Variants in VWC2 observed in about 807,000 individuals in gnomAD.
VWC2 encodes von Willebrand factor C domain containing 2, also known as brorin.
VWC2 carries 14 observed loss-of-function variants against 29.8 expected under a neutral mutation model. The ratio of observed to expected loss-of-function variants is 0.47; its 90% CI spans 0.31 to 0.74. The LOEUF (loss-of-function observed/expected upper bound fraction) is 0.74. Ranked by LOEUF, VWC2 falls within the 30% of genes least tolerant of loss-of-function variation. VWC2 has a pLI of 0.05. For synonymous variants in VWC2, 213 were observed against 199.0 expected, an observed-to-expected ratio of 1.07 and a Z score of -0.59; for missense variants, 457 against 459.8, an observed-to-expected ratio of 0.99 and a Z score of 0.05.
intron 3 of VWC2, among the ~76,000 whole-genome samples, chr7:49,815,948 T>A (rs1381172496): frequency 6.6e-6 from 1 of 152,122 alleles, no homozygotes; most frequent in Admixed American, 6.5e-5. Context: ...AAACAGGCAA[T>A]TTCCATTGAA....
At chr7:49,862,410 C>T (rs537503116) in intron 3 of VWC2, among the ~76,000 whole-genome samples, 4 of 152,202 alleles carry the variant, frequency 2.6e-5, no homozygotes, top group South Asian at 4.1e-4. Flanking sequence ...TCATACTAAC[C>T]GTGAATAGAG....
At chr7:49,801,507 G>A (rs1788736728) in intron 2 of VWC2, among the ~76,000 whole-genome samples, 1 of 152,224 alleles carries the variant, frequency 6.6e-6, no homozygotes, top group Non-Finnish European at 1.5e-5. Context: ...CTGTGTGAGT[G>A]ACCATGGAGG....
At chr7:49,790,143 C>G (rs901974709) in intron 2 of VWC2, among the ~76,000 whole-genome samples, 6 of 152,204 alleles carry the variant, frequency 3.9e-5, no homozygotes, top group African/African-American at 1.4e-4. Flanking sequence ...GTTTTTCCCC[C>G]GCATAATTGA....
chr7:49,872,915 CAAAA>C (rs61473396), intron 3 of VWC2, among the ~76,000 whole-genome samples: 6 of 33,960 alleles, frequency 1.8e-4, no homozygotes, highest in East Asian at 1.1e-3. Flanking sequence ...GACTTTGTCT[CAAAA>C]AAAAAAAAAA....
At chr7:49,893,254 C>A (rs533705396) in intron 3 of VWC2, among the ~76,000 whole-genome samples, 2 of 151,970 alleles carry the variant, frequency 1.3e-5, no homozygotes, top group African/African-American at 4.8e-5. Context: ...CTAGGTTCCA[C>A]GAATCTAGAA....
Position 49,799,047 on chromosome 7 carries a change from C to T in VWC2, c.697-3664C>T, listed in dbSNP as rs144469719. Among the ~76,000 whole-genome samples the T allele has an allele frequency of 4.9e-3, 745 of 152,208 alleles. 3 individuals carry two copies. Among genetic ancestry groups the T allele is most frequent in the African/African-American group, 0.017 (694 of 41,546 alleles). ...CTGCTTCACCAAACGAGGAGCATGG[C>T]GGAGTGGGCTCAGGGGGTTGGCATG... On this transcript the variant is annotated intron_variant, in intron 2 of 3. Transcript: ENST00000340652.
intron 2 of VWC2, among the ~76,000 whole-genome samples, chr7:49,799,875 G>A (rs2128705393): frequency 6.6e-6 from 1 of 152,266 alleles, no homozygotes. Context: ...GCACGTTACT[G>A]TCCTGAAAAC....
intron 2 of VWC2, among the ~76,000 whole-genome samples, chr7:49,779,263 T>A (rs1788123671): frequency 6.6e-6 from 1 of 152,212 alleles, no homozygotes; most frequent in African/African-American, 2.4e-5. Context: ...GTTTTCTGCA[T>A]ATTCTAAACT....
chr7:49,779,055 G>GAC (rs5884130), intron 2 of VWC2, among the ~76,000 whole-genome samples: 41,836 of 151,150 alleles, frequency 0.28, 6,083 homozygotes, highest in Middle Eastern at 0.39. Context: ...GAGAGAGAGA[G>GAC]AGAGACAGAG....
intron 3 of VWC2, among the ~76,000 whole-genome samples, chr7:49,824,354 T>G (rs1243973163): frequency 6.6e-6 from 1 of 152,214 alleles, no homozygotes; most frequent in Non-Finnish European, 1.5e-5. Context: ...TATTGAATTA[T>G]CTTGACTTCT....
At chr7:49,849,949 A>G (rs1357624976) in intron 3 of VWC2, among the ~76,000 whole-genome samples, 1 of 152,174 alleles carries the variant, frequency 6.6e-6, no homozygotes, top group East Asian at 1.9e-4. Flanking sequence ...AGCATGGTGC[A>G]CAGGAAGACT....
chr7:49,872,964 C>A (rs1345483382), intron 3 of VWC2, among the ~76,000 whole-genome samples: 1 of 139,548 alleles, frequency 7.2e-6, no homozygotes, highest in Non-Finnish European at 1.6e-5. Context: ...AATTTGGTAT[C>A]CAAATAAATA....
intron 3 of VWC2, among the ~76,000 whole-genome samples, chr7:49,882,739 G>A (rs2128727652): frequency 6.6e-6 from 1 of 152,258 alleles, no homozygotes; most frequent in African/African-American, 2.4e-5. Context: ...GGCCACACAA[G>A]AAGCACAGAC....
intron 2 of VWC2, among the ~76,000 whole-genome samples, chr7:49,790,432 TCTGA>T (rs201360993): frequency 0.013 from 1,905 of 152,318 alleles, 17 homozygotes; most frequent in Non-Finnish European, 0.018. Flanking sequence ...AAATCTGTTC[TCTGA>T]CAGACAGTGG....
intron 3 of VWC2, among the ~76,000 whole-genome samples, chr7:49,835,411 A>G (rs761635735): frequency 1.3e-5 from 2 of 152,328 alleles, no homozygotes; most frequent in South Asian, 2.1e-4. Flanking sequence ...TCTTAAATGC[A>G]TGGTGGGGGC....
chr7:49,866,803 C>CCTGTATTTG, intron 3 of VWC2, among the ~76,000 whole-genome samples: 1 of 152,258 alleles, frequency 6.6e-6, no homozygotes, highest in East Asian at 1.9e-4. Flanking sequence ...CATTTAGGTT[C>CCTGTATTTG]CTGTATTTGC....
chr7:49,903,731 A>G (rs1055823458), intron 3 of VWC2, among the ~76,000 whole-genome samples: 1 of 152,166 alleles, frequency 6.6e-6, no homozygotes, highest in African/African-American at 2.4e-5. Flanking sequence ...TGTCTGGGGT[A>G]TATACCCAGG....
chr7:49,885,829 CA>C (rs1334256710), intron 3 of VWC2, among the ~76,000 whole-genome samples: 1 of 152,242 alleles, frequency 6.6e-6, no homozygotes, highest in Non-Finnish European at 1.5e-5. Flanking sequence ...AGCTGAGAAG[CA>C]GCAGCTGGCC....
chr7:49,919,893 A>G lies in VWC2; in HGVS notation c.*7708A>G, dbSNP rs981516016. The G allele has an allele frequency of 6.6e-6, 1 of 152,212 alleles. No homozygotes were observed. The highest frequency in any genetic ancestry group is 1.5e-5 in the Non-Finnish European group (1 of 68,032). 9.4% of individuals were successfully genotyped at this position (152,212 alleles called of 1,614,324 possible). ...CTTGATACAAAAATCATTATGTTCT[A>G]TATATGTTTTTGTAGGTTTTAGATT... On this transcript the variant is annotated 3_prime_UTR_variant, in exon 4 of 4. Transcript: ENST00000340652.
Sources: allele counts gnomAD v4.1 joint callset (sites outside exome capture counted in the v4.1 genomes callset), GRCh38; gene constraint gnomAD v4.1.1; transcripts MANE v1.5; gene names NCBI Gene and HGNC (gene_info 2026-07-23, HGNC 2026-07-21).